The following ELMO1 variants were observed in gnomAD, a reference collection of about 807,000 sequenced individuals.
The protein encoded by ELMO1 is engulfment and cell motility 1, also known as engulfment and cell motility protein 1.
In ELMO1, 26 loss-of-function variants were observed where a neutral mutation model predicts 98.9. That is an observed-to-expected ratio of 0.26 (90% confidence interval 0.19 to 0.36). The LOEUF is 0.36. Among genes scored for constraint, ELMO1 ranks in the 10% least tolerant of loss-of-function variants. ELMO1 has a pLI of 1.00. For synonymous variants in ELMO1, 346 were observed against 346.0 expected (o/e 1.00, Z 0.00); for missense variants, 627 against 935.2 (o/e 0.67, Z 4.30).
At chr7:37,027,067 C>G (rs1794620412) in intron 15 of ELMO1, among the ~76,000 whole-genome samples, 1 of 152,150 alleles carries the variant, frequency 6.6e-6, no homozygotes. Context: ...CCAGCACAGA[C>G]ACACAGCACT....
At chr7:37,320,722 T>C (rs1359502353) in intron 2 of ELMO1, among the ~76,000 whole-genome samples, 1 of 152,132 alleles carries the variant, frequency 6.6e-6, no homozygotes, top group Non-Finnish European at 1.5e-5. Flanking sequence ...CAGTACTAGT[T>C]ACCACAGTAT....
chr7:37,407,728 TG>T, intron 1 of ELMO1, among the ~76,000 whole-genome samples: 1 of 152,304 alleles, frequency 6.6e-6, no homozygotes, highest in Admixed American at 6.5e-5. Context: ...TTCTTTTGTA[TG>T]ACAGAATAAT....
intron 6 of ELMO1, among the ~76,000 whole-genome samples, chr7:37,253,786 C>G (rs995389045): frequency 6.6e-6 from 1 of 151,160 alleles, no homozygotes; most frequent in Non-Finnish European, 1.5e-5. Context: ...ATCTCTGAAT[C>G]TCATTATTCC....
intron 13 of ELMO1, among the ~76,000 whole-genome samples, chr7:37,154,370 G>A (rs1788580193): frequency 6.6e-6 from 1 of 151,798 alleles, no homozygotes; most frequent in African/African-American, 2.4e-5. Context: ...ACTTCTCCGA[G>A]CTAAAGGAGC....
rs1310601781 is a variant in ELMO1 at position 36,861,653 on chromosome 7, C to G, written c.1983+6G>C. 2 of 1,612,730 alleles carry G rather than the reference C, an allele frequency of 1.2e-6. No homozygotes were observed. The highest frequency in any genetic ancestry group is 2.2e-5 in the East Asian group (1 of 44,854). The stretch of plus-strand genomic sequence containing the variant: ...TCTCATAAATTATCACCCCCGAGAC[C>G]CTTACCTCATGCTTGTCAGGAGCGA... On this transcript the variant is annotated splice_donor_region_variant and intron_variant, in intron 21 of 21. Coordinates refer to ENST00000310758, the MANE Select transcript of ELMO1 (RefSeq NM_014800.11).
chr7:37,213,443 G>C lies in ELMO1; in HGVS notation c.846C>G (p.Ala282=). Reference sequence around the variant, plus strand: ...CCATCTCATTGTTGATGGCCCGCTGGGCTCGGATGACATGCTAGGGAGATG... The same window carrying C: ...CCATCTCATTGTTGATGGCCCGCTGCGCTCGGATGACATGCTAGGGAGATG... ...RSIILTHVIR[A]QRAINNEMAH... is the part of the protein sequence containing the mutation. The change falls in exon 12 of 22, where the codon GCC becomes GCG. Residue 282 remains alanine (A), a synonymous_variant. Transcript: ENST00000310758. 13 of 1,611,826 alleles carry C rather than the reference G, an allele frequency of 8.1e-6. No homozygotes were observed. Among genetic ancestry groups the C allele is most frequent in the Non-Finnish European group, 1.1e-5 (13 of 1,179,522 alleles).
intron 14 of ELMO1, among the ~76,000 whole-genome samples, chr7:37,097,617 A>G (rs1784429962): frequency 6.8e-6 from 1 of 147,654 alleles, no homozygotes; most frequent in Non-Finnish European, 1.5e-5. Flanking sequence ...AGAAAAAAAA[A>G]GAAAGAAAGA....
intron 1 of ELMO1, among the ~76,000 whole-genome samples, chr7:37,373,608 C>CAA (rs59651126): frequency 2.6e-4 from 35 of 133,768 alleles, no homozygotes; most frequent in Admixed American, 7.6e-4. Context: ...GACTCCATCT[C>CAA]AAAAAAAAAA....
At chr7:37,090,680 G>C (rs1562994041) in intron 15 of ELMO1, among the ~76,000 whole-genome samples, 1 of 152,138 alleles carries the variant, frequency 6.6e-6, no homozygotes, top group African/African-American at 2.4e-5. Flanking sequence ...CCCACGTGCA[G>C]GTATCTCTTC....
At chr7:37,447,500 C>A (rs73691112) in intron 1 of ELMO1, among the ~76,000 whole-genome samples, 1,598 of 152,138 alleles carry the variant, frequency 0.011, 25 homozygotes, top group African/African-American at 0.036. Flanking sequence ...AAGCCTGAGG[C>A]TGGTCCTTTA....
At chr7:37,441,088 T>C (rs962668315) in intron 1 of ELMO1, among the ~76,000 whole-genome samples, 2 of 151,518 alleles carry the variant, frequency 1.3e-5, no homozygotes, top group African/African-American at 4.9e-5. Flanking sequence ...CATCCAGCTC[T>C]GCCACTGAAC....
intron 1 of ELMO1, among the ~76,000 whole-genome samples, chr7:37,409,270 G>A (rs1803901461): frequency 6.6e-6 from 1 of 152,068 alleles, no homozygotes. Flanking sequence ...TGATAATAAT[G>A]AAGAGAGCTA....
At chr7:37,258,065 C>T (rs913758092) in intron 6 of ELMO1, among the ~76,000 whole-genome samples, 1 of 152,008 alleles carries the variant, frequency 6.6e-6, no homozygotes, top group South Asian at 2.1e-4. Context: ...GTCAAGAGAT[C>T]GAGACCATCC....
chr7:36,963,416 T>TAAAG (rs1789139410), intron 16 of ELMO1, among the ~76,000 whole-genome samples: 1 of 151,348 alleles, frequency 6.6e-6, no homozygotes, highest in African/African-American at 2.4e-5. Context: ...AATAAATAAA[T>TAAAG]AAAGGCATCT....
intron 5 of ELMO1, among the ~76,000 whole-genome samples, chr7:37,263,981 G>A (rs759574635): frequency 9.9e-5 from 15 of 152,180 alleles, no homozygotes; most frequent in South Asian, 2.1e-4. Context: ...AGCAACCATC[G>A]TGTTTACCAA....
intron 16 of ELMO1, among the ~76,000 whole-genome samples, chr7:36,916,935 G>A (rs1784733000): frequency 6.6e-6 from 1 of 152,244 alleles, no homozygotes; most frequent in African/African-American, 2.4e-5. Context: ...TTAGCTTAAT[G>A]AGGGCCAAAG....
rs140435974 is a variant in ELMO1 at position 36,868,287 on chromosome 7, G to A, written c.1905+2106C>T. Among the ~76,000 whole-genome samples, 7 of 151,792 alleles carry A rather than the reference G, an allele frequency of 4.6e-5. No individual in the cohort carries two copies. In the East Asian group the frequency reaches 1.2e-3, roughly 25 times the overall value. ...GGTTTGCCTGCAACCTCAGTTCTAG[G>A]ATAGGTCCAAGAAAACTTGTTGATT... On this transcript the variant is annotated intron_variant, in intron 20 of 21. Coordinates refer to ENST00000310758, the MANE Select transcript of ELMO1 (RefSeq NM_014800.11).
intron 16 of ELMO1, among the ~76,000 whole-genome samples, chr7:36,975,307 T>TA (rs1266135522): frequency 4.6e-5 from 7 of 151,588 alleles, no homozygotes; most frequent in Middle Eastern, 3.4e-3. Context: ...CTGTCTCTAT[T>TA]AAAAAAATAC....
At chr7:37,068,970 A>T (rs1327355222) in intron 15 of ELMO1, among the ~76,000 whole-genome samples, 1 of 152,222 alleles carries the variant, frequency 6.6e-6, no homozygotes, top group African/African-American at 2.4e-5. Context: ...TGAAATATAA[A>T]AGTGTTAATG....
Sources: allele counts gnomAD v4.1 joint callset (sites outside exome capture counted in the v4.1 genomes callset), GRCh38; gene constraint gnomAD v4.1.1; transcripts MANE v1.5; gene names NCBI Gene and HGNC (gene_info 2026-07-23, HGNC 2026-07-21).